The following CCDC88C variants were observed in gnomAD, a reference collection of about 807,000 sequenced individuals.
CCDC88C encodes coiled-coil and HOOK domain protein 88C, also known as protein Daple.
In CCDC88C, 131 loss-of-function variants were observed where a neutral mutation model predicts 198.8. The ratio of observed to expected loss-of-function variants is 0.66; its 90% CI spans 0.57 to 0.76. The LOEUF is 0.76. CCDC88C is among the 30% of genes least tolerant of loss of function. The pLI is 0.00. For missense variants in CCDC88C, 2,553 were observed against 2,631.6 expected (o/e 0.97, Z 0.65); for synonymous variants, 1,166 against 1,114.7 (o/e 1.05, Z -0.92).
Position 91,313,350 on chromosome 14 carries a change from G to A in CCDC88C, c.2466C>T (p.Ala822=), listed in dbSNP as rs763425549. The A allele has an allele frequency of 1.2e-6, 2 of 1,612,188 alleles. No individual in the cohort carries two copies. Among genetic ancestry groups the A allele is most frequent in the African/African-American group, 2.7e-5 (2 of 74,918 alleles). Residue 822 remains alanine, a synonymous_variant, in exon 15 of 30, where the codon GCC becomes GCT. Coordinates refer to ENST00000389857, the MANE Select transcript of CCDC88C (RefSeq NM_001080414.4). The surrounding 1 kb of genome is among the most constrained non-coding windows in gnomAD (Gnocchi z 5.2). ...CGAGCTGGGCCACCTCCTGCTCCAG[G>A]GCCTTCCTGTCCTTCTCGGCCCCCT... ...QLEGAEKDRK[A]LEQEVAQLEK... is the part of the protein sequence containing the mutation.
At chr14:91,324,700 T>A (rs922138032) in intron 12 of CCDC88C, 79 bp downstream of exon 12, 1 of 1,540,986 alleles carries the variant, frequency 6.5e-7, no homozygotes, top group African/African-American at 1.4e-5. Flanking sequence ...ACATGGCAGA[T>A]TCAGAGCCCA....
intron 4 of CCDC88C, among the ~76,000 whole-genome samples, chr14:91,348,551 G>A (rs957750056): frequency 6.6e-6 from 1 of 151,944 alleles, no homozygotes; most frequent in African/African-American, 2.4e-5. Flanking sequence ...CAGAGCAAAC[G>A]GTTCTACTCT....
intron 3 of CCDC88C, among the ~76,000 whole-genome samples, chr14:91,376,044 A>G (rs567550572): frequency 1.3e-5 from 2 of 152,284 alleles, no homozygotes; most frequent in South Asian, 4.1e-4. Flanking sequence ...GTCAGCCAAC[A>G]GCCAGCAGCC....
intron 3 of CCDC88C, among the ~76,000 whole-genome samples, chr14:91,378,447 T>C (rs1884594259): frequency 6.6e-6 from 1 of 152,172 alleles, no homozygotes; most frequent in Non-Finnish European, 1.5e-5. Flanking sequence ...GGGACACTCA[T>C]CTTTGGTTTG....
chr14:91,303,619 C>CAG, intron 20 of CCDC88C, 82 bp downstream of exon 20: 12 of 1,422,028 alleles, frequency 8.4e-6, no homozygotes, highest in Non-Finnish European at 1.1e-5. Flanking sequence ...CCATCTACCC[C>CAG]AGGCCCCACC....
Position 91,303,996 on chromosome 14 carries a change from CG to C in CCDC88C, c.3358-19del. The C allele has an allele frequency of 6.3e-7, 1 of 1,590,456 alleles. No homozygotes were observed. The highest frequency in any genetic ancestry group is 1.1e-5 in the South Asian group (1 of 90,814). ...TTCTCCACCTGCCGAGAGGGAGAAG[CG>C]CGGCGTGGCGCAGGCCCCACAGTCA... On this transcript the variant is annotated intron_variant, in intron 19 of 29. Coordinates refer to ENST00000389857, the MANE Select transcript of CCDC88C (RefSeq NM_001080414.4).
At position 91,314,119 on chromosome 14, in the gene CCDC88C, A is replaced by G. The variant is rs1311906243; in HGVS notation, c.1697T>C (p.Leu566Pro). 5 of 1,612,722 alleles carry G rather than the reference A, an allele frequency of 3.1e-6. No homozygotes were observed. Among genetic ancestry groups the G allele is most frequent in the Non-Finnish European group, 4.2e-6 (5 of 1,179,520 alleles). ...IKDLEQEKDH[L>P]NRAMWSLRER... Reference sequence around the variant, plus strand: ...CCGCAGCGACCACATGGCTCGGTTGAGGTGGTCCTTTTCCTGCTCAAGGTC... The same window carrying G: ...CCGCAGCGACCACATGGCTCGGTTGGGGTGGTCCTTTTCCTGCTCAAGGTC... Residue 566 changes from leucine (L) to proline (P), a missense_variant, in exon 15 of 30, where the codon CTC becomes CCC. Around this residue, in one of 2 missense-constraint regions of CCDC88C, gnomAD observed 1,260 missense variants for 1,412.0 expected, o/e 0.89. Coordinates refer to ENST00000389857, the MANE Select transcript of CCDC88C (RefSeq NM_001080414.4).
chr14:91,305,006 G>A (rs1891499069), intron 19 of CCDC88C, among the ~76,000 whole-genome samples: 1 of 152,134 alleles, frequency 6.6e-6, no homozygotes, highest in African/African-American at 2.4e-5. Context: ...ACTTTGGGAG[G>A]TGAGGTGGGT....
In CCDC88C at chr14:91,273,776, TCTC is replaced by T. The variant is rs1250863551; in HGVS notation, c.5059-126_5059-124del. 1 of 777,558 alleles carries T rather than the reference TCTC, an allele frequency of 1.3e-6. No individual in the cohort carries two copies. Among genetic ancestry groups the T allele is most frequent in the Non-Finnish European group, 1.8e-6 (1 of 549,868 alleles). The allele number at this position is 777,558 out of a possible 1,614,324, so 48.2% of individuals were successfully genotyped here. A position where few individuals can be genotyped will look rare whatever the true frequency, so the allele number is the denominator to read the frequency against. On this transcript the variant is annotated intron_variant, in intron 29 of 29. Transcript: ENST00000389857. The surrounding 1 kb of genome is among the most constrained non-coding windows in gnomAD (Gnocchi z 5.6). Reference sequence around the variant, plus strand: ...CTGGGACCGCAGTTCCTGCCTGCCTTCTCCGAGGCACATGTGCCGCCTCCACCA... The same window carrying T: ...CTGGGACCGCAGTTCCTGCCTGCCTTCGAGGCACATGTGCCGCCTCCACCA...
intron 10 of CCDC88C, among the ~76,000 whole-genome samples, chr14:91,328,636 G>C (rs1265346347): frequency 3.9e-5 from 6 of 152,164 alleles, no homozygotes; most frequent in Non-Finnish European, 8.8e-5. Flanking sequence ...GATTAGGCAC[G>C]GGAGCTAACG....
chr14:91,363,293 G>A (rs1019894312), intron 3 of CCDC88C, among the ~76,000 whole-genome samples: 2 of 135,536 alleles, frequency 1.5e-5, no homozygotes, highest in African/African-American at 7.2e-5. Context: ...TTTTTTTTTG[G>A]AGAGAGGGGG....
At chr14:91,398,614 G>A (rs1033683929) in intron 3 of CCDC88C, among the ~76,000 whole-genome samples, 1 of 152,040 alleles carries the variant, frequency 6.6e-6, no homozygotes, top group Non-Finnish European at 1.5e-5. Context: ...CTATGATCGC[G>A]CCACTGCACT....
chr14:91,342,206 T>C (rs949343382), intron 6 of CCDC88C, 174 bp downstream of exon 6: 4 of 433,374 alleles, frequency 9.2e-6, no homozygotes, highest in Non-Finnish European at 1.6e-5. Context: ...GGCTGATTGA[T>C]GGCTATCTTT....
chr14:91,398,839 A>T (rs931118462), intron 3 of CCDC88C, among the ~76,000 whole-genome samples: 2 of 152,196 alleles, frequency 1.3e-5, no homozygotes, highest in Non-Finnish European at 2.9e-5. Context: ...TACTGCCAGC[A>T]GCCTGCAGCC....
intron 10 of CCDC88C, among the ~76,000 whole-genome samples, chr14:91,327,870 C>T (rs1795125595): frequency 6.6e-6 from 1 of 152,220 alleles, no homozygotes; most frequent in African/African-American, 2.4e-5. Context: ...CCCTCACAAG[C>T]AACTCCTATT....
At position 91,277,926 on chromosome 14, in the gene CCDC88C, G is replaced by C. The variant is rs1045142934; in HGVS notation, c.5054C>G (p.Thr1685Ser). 3.3e-6 allele frequency: 5 copies of C among 1,502,730 alleles called. No individual in the cohort carries two copies. In the African/African-American group the frequency reaches 6.9e-5, roughly 21 times the overall value. 93.1% of individuals were successfully genotyped at this position (1,502,730 alleles called of 1,614,324 possible). ...GTCCGTGTCCGGATCACTCACATGG[G>C]TGGGGGAGCTGCGGTTGCTCTCCTC... ...FLEESNRSSP[T>S]HDTPSCRDDL... Residue 1685 changes from threonine (T) to serine (S), a missense_variant, in exon 29 of 30, where the codon ACC (threonine) becomes AGC (serine). This residue lies in a region of CCDC88C where 1,293 missense variants were observed against 1,219.6 expected (regional missense o/e 1.06). Transcript: ENST00000389857.
intron 3 of CCDC88C, among the ~76,000 whole-genome samples, chr14:91,407,531 T>G (rs1886568081): frequency 6.6e-6 from 1 of 152,150 alleles, no homozygotes; most frequent in Admixed American, 6.5e-5. Flanking sequence ...TCAATCTGTG[T>G]CCTCTGGAGT....
chr14:91,324,486 C>G (rs1892498357), intron 12 of CCDC88C, among the ~76,000 whole-genome samples: 1 of 152,260 alleles, frequency 6.6e-6, no homozygotes, highest in Non-Finnish European at 1.5e-5. Context: ...CAGAGAGCCT[C>G]TGGGTGTCAG....
intron 21 of CCDC88C, among the ~76,000 whole-genome samples, chr14:91,298,032 A>G (rs1408062169): frequency 6.6e-6 from 1 of 152,216 alleles, no homozygotes; most frequent in Admixed American, 6.5e-5. Flanking sequence ...CTATTATCCA[A>G]CTGGGAGTTC....
Sources: allele counts gnomAD v4.1 joint callset (sites outside exome capture counted in the v4.1 genomes callset), GRCh38; gene constraint gnomAD v4.1.1; regional missense constraint gnomAD v4.1.1; non-coding constraint Gnocchi (gnomAD v3.1); transcripts MANE v1.5; gene names NCBI Gene and HGNC (gene_info 2026-07-23, HGNC 2026-07-21).